Variants in SNX29 observed in about 807,000 individuals in gnomAD.
SNX29 encodes sorting nexin-29.
In SNX29, 78 loss-of-function variants were observed where a neutral mutation model predicts 102.1. The observed-to-expected ratio is 0.76, with a 90% CI of 0.64 to 0.92. The LOEUF (loss-of-function observed/expected upper bound fraction) is 0.92, where lower values mean the gene tolerates loss of function less well. Ranked by LOEUF, SNX29 falls within the 40% of genes least tolerant of loss-of-function variation. The pLI is 0.00. For synonymous variants in SNX29, 580 were observed against 414.5 expected, an observed-to-expected ratio of 1.40 and a Z score of -4.85; for missense variants, 1,280 against 1,061.7, an observed-to-expected ratio of 1.21 and a Z score of -2.86.
chr16:12,355,412 T>C (rs1347955619), intron 15 of SNX29, among the ~76,000 whole-genome samples: 2 of 152,196 alleles, frequency 1.3e-5, no homozygotes, highest in Non-Finnish European at 2.9e-5. Context: ...ACAGTGTAGT[T>C]AGTGCTTAGG....
intron 4 of SNX29, among the ~76,000 whole-genome samples, chr16:12,029,933 G>A (rs994667179): frequency 1.9e-4 from 16 of 86,434 alleles, no homozygotes; most frequent in South Asian, 8.6e-4. Context: ...TCATCGTCAG[G>A]TTATAGGTTG....
At chr16:12,186,577 A>G (rs912335624) in intron 13 of SNX29, among the ~76,000 whole-genome samples, 11 of 152,182 alleles carry the variant, frequency 7.2e-5, no homozygotes, top group African/African-American at 1.9e-4. Flanking sequence ...TATTTCACCA[A>G]TGGGGCCAAT....
chr16:12,010,605 G>C (rs935603104), intron 3 of SNX29, among the ~76,000 whole-genome samples: 2 of 152,180 alleles, frequency 1.3e-5, no homozygotes, highest in South Asian at 4.1e-4. Flanking sequence ...TAGCCTGGGC[G>C]ATGTGAGACC....
At chr16:12,147,391 G>A (rs907881738) in intron 13 of SNX29, among the ~76,000 whole-genome samples, 2 of 152,196 alleles carry the variant, frequency 1.3e-5, no homozygotes, top group African/African-American at 2.4e-5. Flanking sequence ...TTATGAAAAG[G>A]TTACGGTAAT....
intron 18 of SNX29, among the ~76,000 whole-genome samples, chr16:12,408,824 A>G (rs1279874412): frequency 2.0e-5 from 3 of 152,246 alleles, no homozygotes; most frequent in Non-Finnish European, 4.4e-5. Flanking sequence ...TCTAAAGGAA[A>G]TAAAATGTCA....
chr16:12,032,144 A>G (rs2057361754), intron 4 of SNX29, among the ~76,000 whole-genome samples: 1 of 150,930 alleles, frequency 6.6e-6, no homozygotes, highest in African/African-American at 2.4e-5. Flanking sequence ...ATTTAGCATA[A>G]CATCTTCAAG....
chr16:12,115,764 AAT>A (rs759658451), intron 11 of SNX29, among the ~76,000 whole-genome samples: 28 of 152,280 alleles, frequency 1.8e-4, no homozygotes, highest in Middle Eastern at 3.4e-3. Context: ...GGGTTTCTGC[AAT>A]ATGTTCCTCC....
chr16:12,439,584 G>T (rs560439065), intron 18 of SNX29, among the ~76,000 whole-genome samples: 1 of 152,136 alleles, frequency 6.6e-6, no homozygotes, highest in East Asian at 1.9e-4. Context: ...ATCAGATCTC[G>T]TGAGACTCAT....
chr16:12,522,865 C>T (rs556694234), intron 19 of SNX29, among the ~76,000 whole-genome samples: 18 of 152,264 alleles, frequency 1.2e-4, no homozygotes, highest in Admixed American at 3.3e-4. Flanking sequence ...GGGTGGAATG[C>T]GGTGGTGTGA....
At chr16:12,370,482 C>G (rs2082642865) in intron 16 of SNX29, among the ~76,000 whole-genome samples, 2 of 152,138 alleles carry the variant, frequency 1.3e-5, no homozygotes, top group South Asian at 4.1e-4. Flanking sequence ...ATTGCTTGAA[C>G]CTGGGAGGTG....
In SNX29 at chr16:12,178,313, C is replaced by T. The variant is rs373439181; in HGVS notation, c.1596-21288C>T. 3.4e-4 allele frequency among the ~76,000 whole-genome samples: 51 copies of T among 152,048 alleles called. No individual in the cohort carries two copies. In the South Asian group the frequency reaches 0.01, roughly 30 times the overall value. ...GGGGGTGGTGGTTATGTTGGAAGGGCGCCGGTGCTGGGAGAGGCATGTAAA... is the reference window on the plus strand; with the variant it reads ...GGGGGTGGTGGTTATGTTGGAAGGGTGCCGGTGCTGGGAGAGGCATGTAAA... On this transcript the variant is annotated intron_variant, in intron 13 of 20. Transcript: ENST00000566228.
intron 18 of SNX29, among the ~76,000 whole-genome samples, chr16:12,463,760 A>G (rs2086917169): frequency 6.6e-6 from 1 of 152,104 alleles, no homozygotes; most frequent in Admixed American, 6.5e-5. Context: ...TGATGTACAT[A>G]TACATCGTGT....
At chr16:12,286,394 G>GA (rs1322499282) in intron 15 of SNX29, among the ~76,000 whole-genome samples, 42 of 147,292 alleles carry the variant, frequency 2.9e-4, no homozygotes, top group African/African-American at 1.1e-3. Flanking sequence ...TGCCCAGGCT[G>GA]GAGTGCAGTG....
At chr16:12,071,862 A>C (rs373547909) in intron 10 of SNX29, among the ~76,000 whole-genome samples, 8 of 152,204 alleles carry the variant, frequency 5.3e-5, no homozygotes, top group African/African-American at 1.9e-4. Context: ...AGTGGTTTGT[A>C]GTTCTCCTTG....
At chr16:12,147,188 T>A (rs531325078) in intron 13 of SNX29, among the ~76,000 whole-genome samples, 23 of 152,250 alleles carry the variant, frequency 1.5e-4, no homozygotes, top group Non-Finnish European at 2.5e-4. Context: ...CAATGCCAGA[T>A]GTTCCCTGAA....
At chr16:12,556,747 A>G (rs903465770) in intron 20 of SNX29, among the ~76,000 whole-genome samples, 4 of 152,206 alleles carry the variant, frequency 2.6e-5, no homozygotes, top group Admixed American at 6.5e-5. Flanking sequence ...ATAAAGAAAA[A>G]TTAAGGCACC....
intron 18 of SNX29, among the ~76,000 whole-genome samples, chr16:12,407,355 A>T (rs1334960437): frequency 6.8e-6 from 1 of 147,556 alleles, no homozygotes; most frequent in African/African-American, 2.5e-5. Context: ...ATTCATTTTT[A>T]CATTTGCCTC....
intron 16 of SNX29, among the ~76,000 whole-genome samples, chr16:12,380,784 C>CCCA (rs1215347126): frequency 5.0e-5 from 3 of 60,216 alleles, no homozygotes; most frequent in Non-Finnish European, 8.1e-5. Context: ...CATCCATCCA[C>CCCA]CCATCCACCC....
At chr16:12,199,984 G>T (rs1656523774) in intron 14 of SNX29, among the ~76,000 whole-genome samples, 1 of 152,144 alleles carries the variant, frequency 6.6e-6, no homozygotes, top group African/African-American at 2.4e-5. Flanking sequence ...GAACCTTGTG[G>T]TATGATGAAG....
Sources: gnomAD v4.1 joint callset for allele counts (sites outside exome capture counted in the v4.1 genomes callset) on GRCh38, gnomAD v4.1.1 for gene constraint, MANE v1.5 for transcripts, NCBI Gene and HGNC (gene_info 2026-07-23, HGNC 2026-07-21) for gene names.